The following MTHFD2L variants were observed in gnomAD, a reference collection of about 807,000 sequenced individuals.
MTHFD2L encodes bifunctional methylenetetrahydrofolate dehydrogenase/cyclohydrolase 2, mitochondrial.
MTHFD2L carries 29 observed loss-of-function variants against 34.9 expected under a neutral mutation model. The ratio of observed to expected loss-of-function variants is 0.83; its 90% CI spans 0.62 to 1.13. MTHFD2L has a LOEUF of 1.13. Among genes scored for constraint, MTHFD2L ranks in the 50% most tolerant of loss-of-function variants. MTHFD2L has a pLI of 0.00. For missense variants in MTHFD2L, 481 were observed against 446.5 expected (o/e 1.08, Z -0.70); for synonymous variants, 167 against 155.7 (o/e 1.07, Z -0.54).
At chr4:74,225,224 A>T in intron 5 of MTHFD2L, 78 bp from the exon 6 acceptor site, 1 of 1,079,496 alleles carries the variant, frequency 9.3e-7, no homozygotes, top group South Asian at 1.4e-5. Flanking sequence ...GAAATAAGTG[A>T]AACTCTTCTG....
At chr4:74,232,829 A>C (rs1370374267) in intron 6 of MTHFD2L, among the ~76,000 whole-genome samples, 1 of 152,306 alleles carries the variant, frequency 6.6e-6, no homozygotes, top group East Asian at 1.9e-4. Flanking sequence ...GCTTTCTTCC[A>C]AAACAGACTT....
At chr4:74,221,184 T>C (rs1045063603) in intron 5 of MTHFD2L, among the ~76,000 whole-genome samples, 2 of 147,846 alleles carry the variant, frequency 1.4e-5, no homozygotes, top group African/African-American at 5.3e-5. Flanking sequence ...AAAATTATAG[T>C]CTATCTAATT....
At chr4:74,157,914 G>C (rs925742183), upstream of MTHFD2L, 7 of 723,132 alleles carry the variant, frequency 9.7e-6, no homozygotes, top group Non-Finnish European at 1.7e-5. Context: ...AGAGGGCCCG[G>C]GACTTGGGTC....
chr4:74,226,814 C>G (rs1739240716), intron 6 of MTHFD2L, among the ~76,000 whole-genome samples: 1 of 152,102 alleles, frequency 6.6e-6, no homozygotes, highest in Non-Finnish European at 1.5e-5. Flanking sequence ...GAAATGCCAG[C>G]CCTCGTAGAA....
upstream of MTHFD2L, among the ~76,000 whole-genome samples, chr4:74,125,082 G>T (rs1721978568): frequency 6.6e-6 from 1 of 152,158 alleles, no homozygotes; most frequent in Non-Finnish European, 1.5e-5. Context: ...ACATTGTGGG[G>T]AGGTAGATAA....
intron 6 of MTHFD2L, among the ~76,000 whole-genome samples, chr4:74,229,297 G>C (rs1015681236): frequency 1.1e-4 from 17 of 152,112 alleles, no homozygotes; most frequent in Non-Finnish European, 1.0e-4. Flanking sequence ...CAGACAATAG[G>C]AATAAAGTAT....
intron 5 of MTHFD2L, among the ~76,000 whole-genome samples, chr4:74,207,997 T>C (rs1362167797): frequency 5.9e-5 from 9 of 152,022 alleles, no homozygotes; most frequent in Non-Finnish European, 1.5e-5. Flanking sequence ...AGACTGACAC[T>C]CTTAGTCTTA....
chr4:74,136,371 T>C (rs956950988), intron 1 of MTHFD2L, among the ~76,000 whole-genome samples: 3 of 151,930 alleles, frequency 2.0e-5, no homozygotes, highest in Non-Finnish European at 4.4e-5. Flanking sequence ...GGCAATCTCA[T>C]TTAAAACTAC....
upstream of MTHFD2L, among the ~76,000 whole-genome samples, chr4:74,155,980 C>T (rs537919245): frequency 6.6e-6 from 1 of 150,400 alleles, no homozygotes; most frequent in Non-Finnish European, 1.5e-5. Context: ...TTAGAACATA[C>T]AAACAAAATT....
intron 7 of MTHFD2L, among the ~76,000 whole-genome samples, chr4:74,300,621 C>T (rs929539424): frequency 2.6e-5 from 4 of 151,996 alleles, no homozygotes; most frequent in Non-Finnish European, 5.9e-5. Flanking sequence ...ACACAGTAAA[C>T]CACCATACCA....
intron 6 of MTHFD2L, among the ~76,000 whole-genome samples, chr4:74,245,997 A>T (rs1742384022): frequency 6.8e-6 from 1 of 148,056 alleles, no homozygotes; most frequent in South Asian, 2.2e-4. Context: ...ATACCCAGTA[A>T]TGGGATGGCT....
chr4:74,231,373 G>A (rs1174442108), intron 6 of MTHFD2L, among the ~76,000 whole-genome samples: 1 of 152,014 alleles, frequency 6.6e-6, no homozygotes, highest in Non-Finnish European at 1.5e-5. Flanking sequence ...CAAGGGGTGG[G>A]GCAAGGAAAT....
rs142302416 is a variant in MTHFD2L, at chr4:74,169,808, A to G, written c.144-4698A>G. 3.9e-5 allele frequency among the ~76,000 whole-genome samples: 6 copies of G among 152,294 alleles called. No individual in the cohort carries two copies. In the East Asian group the frequency reaches 1.2e-3, roughly 29 times the overall value. ...AGAAATTCATAGGAAACAGTGAAAA[A>G]AGTTTGTTACTTTACTTTGAAAAAT... On this transcript the variant is annotated intron_variant, in intron 1 of 7. Coordinates refer to ENST00000325278, the MANE Select transcript of MTHFD2L (RefSeq NM_001144978.3).
intron 3 of MTHFD2L, among the ~76,000 whole-genome samples, chr4:74,180,265 T>G (rs1729874440): frequency 6.6e-6 from 1 of 152,106 alleles, no homozygotes; most frequent in Non-Finnish European, 1.5e-5. Context: ...TTAGTTATTT[T>G]GATAGATTGG....
intron 1 of MTHFD2L, chr4:74,161,203 ATACT>A (rs1379026890): frequency 1.3e-5 from 2 of 152,196 alleles, no homozygotes; most frequent in Non-Finnish European, 2.9e-5. Flanking sequence ...CTAGTAAAAG[ATACT>A]TATTTGTGTT....
At chr4:74,174,790 T>G in intron 2 of MTHFD2L, 100 bp downstream of exon 2, 1 of 777,664 alleles carries the variant, frequency 1.3e-6, no homozygotes, top group Non-Finnish European at 1.9e-6. Flanking sequence ...AAGTGCCATT[T>G]GAATTGCATG....
chr4:74,242,700 T>C (rs994969009), intron 6 of MTHFD2L, among the ~76,000 whole-genome samples: 2 of 152,196 alleles, frequency 1.3e-5, no homozygotes, highest in African/African-American at 4.8e-5. Context: ...GCTTTTAATT[T>C]TCCTTGTTTA....
At position 74,227,992 on chromosome 4, in the gene MTHFD2L, A is replaced by G. The variant is rs79916800; in HGVS notation, c.805+2598A>G. 6.0e-3 allele frequency among the ~76,000 whole-genome samples: 910 copies of G among 152,330 alleles called. 10 individuals are homozygous for G. Among genetic ancestry groups the G allele is most frequent in the African/African-American group, 0.021 (882 of 41,572 alleles). The stretch of plus-strand genomic sequence containing the variant: ...TAGGCCCTTTTCTGGAACCTAGAAC[A>G]TATACATGACTGCAGGAACAGTAGT... On this transcript the variant is annotated intron_variant, in intron 6 of 7. Coordinates refer to ENST00000325278, the MANE Select transcript of MTHFD2L (RefSeq NM_001144978.3).
chr4:74,135,720 C>T (rs534652556), intron 1 of MTHFD2L, among the ~76,000 whole-genome samples: 1 of 151,696 alleles, frequency 6.6e-6, no homozygotes, highest in East Asian at 1.9e-4. Flanking sequence ...AAGCTAGAGG[C>T]CAATATCACC....
Sources: gnomAD v4.1 joint callset for allele counts (sites outside exome capture counted in the v4.1 genomes callset) on GRCh38, gnomAD v4.1.1 for gene constraint, MANE v1.5 for transcripts, NCBI Gene and HGNC (gene_info 2026-07-23, HGNC 2026-07-21) for gene names.